Variants in JAML observed in about 807,000 individuals in gnomAD.
JAML encodes the protein junctional adhesion molecule-like.
In JAML, 25 loss-of-function variants were observed where a neutral mutation model predicts 39.3. The observed-to-expected ratio is 0.64, with a 90% CI of 0.46 to 0.89. The LOEUF is 0.89. JAML is among the 40% of genes least tolerant of loss of function. The probability of loss-of-function intolerance (pLI) is 0.00; values close to 1 mark genes in which losing one functional copy is unlikely to be tolerated. For synonymous variants in JAML, 162 were observed against 179.2 expected (o/e 0.90, Z 0.77); for missense variants, 440 against 486.9 (o/e 0.90, Z 0.91).
chr11:118,194,905 A>G (rs1186784948), intron 9 of JAML, among the ~76,000 whole-genome samples: 1 of 152,182 alleles, frequency 6.6e-6, no homozygotes, highest in Non-Finnish European at 1.5e-5. Context: ...GGCACATCAT[A>G]TTTTAAAATA....
intron 7 of JAML, among the ~76,000 whole-genome samples, chr11:118,198,676 A>G (rs1302148510): frequency 2.1e-5 from 3 of 143,580 alleles, no homozygotes; most frequent in African/African-American, 8.1e-5. Context: ...GTCAGAACTA[A>G]AAAAAAAAAA....
Position 118,203,457 on chromosome 11 carries a change from A to G in JAML, c.743T>C (p.Val248Ala). The change falls in exon 6 of 10, where the codon GTG becomes GCG. Residue 248 changes from valine to alanine, a missense_variant. Val to Ala is a moderately conservative substitution (Grantham distance 64). Coordinates refer to ENST00000356289, the MANE Select transcript of JAML (RefSeq NM_001098526.2). ...AGGCTCTTCCGGGCTGACATGCAGC[A>G]CAATGGTTTTCTTGAACACCAGGTT... ...LGNLVFKKTI[V>A]LHVSPEEPRT... The G allele has an allele frequency of 1.2e-6, 2 of 1,614,180 alleles. No individual in the cohort carries two copies. The highest frequency in any genetic ancestry group is 1.7e-6 in the Non-Finnish European group (2 of 1,180,006).
intron 1 of JAML, among the ~76,000 whole-genome samples, chr11:118,217,422 C>T (rs777521523): frequency 2.6e-5 from 4 of 152,336 alleles, no homozygotes; most frequent in South Asian, 2.1e-4. Context: ...GAATGGAAAA[C>T]GCTCATTGTC....
Position 118,205,878 on chromosome 11 carries a change from T to A in JAML, c.534+4A>T. 6.2e-7 allele frequency: 1 copy of A among 1,612,800 alleles called. No individual in the cohort carries two copies. ...CTAACACAGTGATGTTTCCTCCTTG[T>A]TACCTTTGCGCGCCGTCCTGAAAAT... On this transcript the variant is annotated splice_donor_region_variant and intron_variant, in intron 5 of 9. Transcript: ENST00000356289.
rs200486497 is a variant in JAML at position 118,212,961 on chromosome 11, T to A, written c.44-400A>T. On this transcript the variant is annotated intron_variant, in intron 2 of 9. Coordinates refer to ENST00000356289, the MANE Select transcript of JAML (RefSeq NM_001098526.2). The stretch of plus-strand genomic sequence containing the variant: ...TCCTTGCTCTTAAATCTCCCACTGG[T>A]TCCCTCTCTGAAAAGGGACCTTTTG... 1,249 of 1,614,166 alleles carry A rather than the reference T, an allele frequency of 7.7e-4. 2 individuals are homozygous for A. The highest frequency in any genetic ancestry group is 8.3e-4 in the Non-Finnish European group (985 of 1,179,998).
intron 7 of JAML, among the ~76,000 whole-genome samples, chr11:118,199,004 C>T (rs772212140): frequency 6.6e-6 from 1 of 152,124 alleles, no homozygotes; most frequent in Non-Finnish European, 1.5e-5. Flanking sequence ...ATTATTTTCT[C>T]TTTTATAAAA....
intron 2 of JAML, among the ~76,000 whole-genome samples, chr11:118,213,525 G>C (rs1949100436): frequency 6.6e-6 from 1 of 152,218 alleles, no homozygotes; most frequent in South Asian, 2.1e-4. Context: ...ATCAAAATTA[G>C]CTCCAACAAA....
At chr11:118,206,012 C>T in intron 4 of JAML, 21 bp from the exon 5 acceptor site, 2 of 1,574,338 alleles carry the variant, frequency 1.3e-6, no homozygotes, top group Non-Finnish European at 8.7e-7. Flanking sequence ...AACAGTAAAT[C>T]AAGTCAGACT....
chr11:118,223,069 T>C (rs1288858057), intron 1 of JAML, among the ~76,000 whole-genome samples: 3 of 127,264 alleles, frequency 2.4e-5, no homozygotes, highest in Non-Finnish European at 4.6e-5. Flanking sequence ...CATGCCAGCC[T>C]AGGTGACAGA....
At chr11:118,202,734 C>T in intron 6 of JAML, 1 of 362,360 alleles carries the variant, frequency 2.8e-6, no homozygotes, top group East Asian at 7.3e-5. Context: ...TATGTTCCAT[C>T]CTCACCCCAT....
chr11:118,204,939 C>T (rs1040947813), intron 5 of JAML: 2 of 152,054 alleles, frequency 1.3e-5, no homozygotes, highest in Non-Finnish European at 2.9e-5. Context: ...AATGAAGTGA[C>T]CTGGCCCCTA....
intron 7 of JAML, among the ~76,000 whole-genome samples, chr11:118,198,619 AC>A (rs1359804843): frequency 6.7e-6 from 1 of 149,674 alleles, no homozygotes; most frequent in African/African-American, 2.5e-5. Flanking sequence ...TGATCTCATG[AC>A]CATTTGCCTT....
chr11:118,203,524 C>A lies in JAML; in HGVS notation c.676G>T (p.Glu226Ter). The A allele has an allele frequency of 6.2e-7, 1 of 1,614,180 alleles. No homozygotes were observed. Residue 226 changes from glutamate (E) to a stop codon, truncating the protein, a stop_gained, in exon 6 of 10, where the codon GAG (glutamate) becomes TAG (stop). Coordinates refer to ENST00000356289, the MANE Select transcript of JAML (RefSeq NM_001098526.2). LOFTEE classifies it high-confidence loss of function. ...DGSIMLQGVRESDGGNYTCSI... is the reference protein window; with the variant it reads ...DGSIMLQGVR ...CAGGTGTAGTTTCCTCCATCTGACT[C>A]CCTCACTCCTTGAAGCATGATGGAA...
At chr11:118,202,796 G>A (rs934782985) in intron 6 of JAML, 4 of 376,938 alleles carry the variant, frequency 1.1e-5, no homozygotes, top group Admixed American at 6.4e-5. Flanking sequence ...CTAGCGACAG[G>A]CAAAGTCCAC....
At chr11:118,210,381 G>T in intron 4 of JAML, 106 bp downstream of exon 4, 1 of 962,524 alleles carries the variant, frequency 1.0e-6, no homozygotes, top group East Asian at 2.5e-5. Context: ...TCTGTGGTAA[G>T]TACTTAGCCC....
chr11:118,201,577 A>G (rs1948798815), intron 6 of JAML: 1 of 152,268 alleles, frequency 6.6e-6, no homozygotes, highest in Non-Finnish European at 1.5e-5. Flanking sequence ...TGAAAACAAC[A>G]TTGAAAGATT....
At chr11:118,202,687 C>T in intron 6 of JAML, 1 of 298,074 alleles carries the variant, frequency 3.4e-6, no homozygotes, top group Non-Finnish European at 6.7e-6. Context: ...AGACAAGGTG[C>T]CTCCACAGAC....
chr11:118,213,451 A>C, intron 2 of JAML: 3 of 411,152 alleles, frequency 7.3e-6, no homozygotes, highest in Non-Finnish European at 9.8e-6. Flanking sequence ...AGGCTCACAC[A>C]GCAGGGAGGA....
chr11:118,218,480 T>A (rs2134677142), intron 1 of JAML, among the ~76,000 whole-genome samples: 1 of 152,258 alleles, frequency 6.6e-6, no homozygotes, highest in South Asian at 2.1e-4. Context: ...CTCATTTAAT[T>A]AAGACCCTGC....
Sources: gnomAD v4.1 joint callset for allele counts (sites outside exome capture counted in the v4.1 genomes callset) on GRCh38, gnomAD v4.1.1 for gene constraint, MANE v1.5 for transcripts, NCBI Gene and HGNC (gene_info 2026-07-23, HGNC 2026-07-21) for gene names.